Variants in PDCD11 observed in about 807,000 individuals in gnomAD.
PDCD11 encodes protein RRP5 homolog.
In PDCD11, 97 loss-of-function variants were observed where a neutral mutation model predicts 198.9. That is an observed-to-expected ratio of 0.49 (90% CI 0.41 to 0.58). PDCD11 has a LOEUF of 0.58. Among genes scored for constraint, PDCD11 ranks in the 20% least tolerant of loss-of-function variants. The pLI is 0.00. For synonymous variants in PDCD11, 893 were observed against 918.0 expected, an observed-to-expected ratio of 0.97 and a Z score of 0.49; for missense variants, 2,102 against 2,312.7, an observed-to-expected ratio of 0.91 and a Z score of 1.87.
chr10:103,434,669 C>T (rs2032075135), intron 24 of PDCD11, 129 bp from the exon 25 acceptor site: 4 of 697,290 alleles, frequency 5.7e-6, no homozygotes, highest in Non-Finnish European at 9.4e-6. Flanking sequence ...CTAGATGGTT[C>T]TGGATCACTC....
rs1003828592 is a variant in PDCD11 at position 103,416,999 on chromosome 10, G to T, written c.1770+257G>T. The stretch of plus-strand genomic sequence containing the variant: ...CAGTCTTTACTTGTAATAAACCTGT[G>T]CCTCTCATATCGGAAATTGTTTTGA... On this transcript the variant is annotated intron_variant, in intron 13 of 35. Transcript: ENST00000369797. 2.6e-5 allele frequency among the ~76,000 whole-genome samples: 4 copies of T among 152,300 alleles called. 1 individual carries two copies. The South Asian group carries it at 8.3e-4, about 32-fold the overall frequency.
intron 16 of PDCD11, among the ~76,000 whole-genome samples, chr10:103,421,025 G>A (rs936350347): frequency 2.0e-5 from 3 of 152,072 alleles, no homozygotes. Flanking sequence ...GCAGGTGCAT[G>A]CCACCACTCC....
At chr10:103,398,052 C>G (rs1199492439) in intron 1 of PDCD11, among the ~76,000 whole-genome samples, 1 of 152,164 alleles carries the variant, frequency 6.6e-6, no homozygotes, top group African/African-American at 2.4e-5. Flanking sequence ...TTTTAAGTTA[C>G]TTGCATAATT....
Position 103,413,270 on chromosome 10 carries a change from A to G in PDCD11, c.1133A>G (p.Lys378Arg). ...GATGTTCCTGTCCAGGGTTTTTTCA[A>G]AAAGGCTGGGGCCACCTTTAGGCTG... is the stretch of plus-strand genomic sequence containing the variant. ...LDDVPVQGFF[K>R]KAGATFRLKD... Residue 378 changes from lysine (K) to arginine (R), a missense_variant, in exon 9 of 36, where the codon AAA (lysine) becomes AGA (arginine). Transcript: ENST00000369797. 6.2e-7 allele frequency: 1 copy of G among 1,614,074 alleles called. No homozygotes were observed. Among genetic ancestry groups the G allele is most frequent in the South Asian group, 1.1e-5 (1 of 91,076 alleles).
intron 7 of PDCD11, among the ~76,000 whole-genome samples, chr10:103,407,345 C>T (rs934994333): frequency 6.6e-6 from 1 of 151,994 alleles, no homozygotes; most frequent in South Asian, 2.1e-4. Context: ...AGGCTGATCA[C>T]GAGGTCAGGA....
chr10:103,442,533 A>G (rs2133755220), intron 32 of PDCD11, 73 bp downstream of exon 32: 1 of 1,540,074 alleles, frequency 6.5e-7, no homozygotes. Flanking sequence ...CCTGTGGGGT[A>G]GCTCCTCCTA....
At position 103,409,749 on chromosome 10, in the gene PDCD11, G is replaced by A. The variant is rs1297862480; in HGVS notation, c.921G>A (p.Val307=). 1 of 1,614,088 alleles carries A rather than the reference G, an allele frequency of 6.2e-7. No homozygotes were observed. Among genetic ancestry groups the A allele is most frequent in the Admixed American group, 1.7e-5 (1 of 60,008 alleles). ...TLNFLTFFTG[V]VDFMHLDPKK... ...ACTTCCTCACATTCTTCACGGGCGTGGTTGACTTTATGCACCTGGATCCCA... is the reference window on the plus strand; with the variant it reads ...ACTTCCTCACATTCTTCACGGGCGTAGTTGACTTTATGCACCTGGATCCCA... Residue 307 remains valine (V), a synonymous_variant, in exon 8 of 36, where the codon GTG becomes GTA. Coordinates refer to ENST00000369797, the MANE Select transcript of PDCD11 (RefSeq NM_014976.2).
At chr10:103,397,634 A>T (rs375713499) in intron 1 of PDCD11, among the ~76,000 whole-genome samples, 2 of 152,224 alleles carry the variant, frequency 1.3e-5, no homozygotes, top group African/African-American at 4.8e-5. Flanking sequence ...GGGTTTCGCC[A>T]TGTTGACTAT....
At chr10:103,440,975 C>G in intron 30 of PDCD11, 125 bp downstream of exon 30, 1 of 660,244 alleles carries the variant, frequency 1.5e-6, no homozygotes, top group Non-Finnish European at 2.6e-6. Flanking sequence ...TCAGTTGCCT[C>G]CATTGACCGT....
At position 103,403,180 on chromosome 10, in the gene PDCD11, G is replaced by GCACA. The variant is rs2030219785; in HGVS notation, c.297_298insCACA (p.Ile100HisfsTer3). 6.2e-7 allele frequency: 1 copy of GCACA among 1,614,022 alleles called. No homozygotes were observed. Among genetic ancestry groups the GCACA allele is most frequent in the South Asian group, 1.1e-5 (1 of 91,092 alleles). On this transcript the variant is annotated frameshift_variant, in exon 4 of 36. Transcript: ENST00000369797. LOFTEE classifies it high-confidence loss of function. Reference sequence around the variant, plus strand: ...AAGAGGTGAATGAACTGGAACTGGTGATTAGTCTCCCCAATGGCCTCCAGG... The same window carrying GCACA: ...AAGAGGTGAATGAACTGGAACTGGTGCACAATTAGTCTCCCCAATGGCCTCCAGG...
chr10:103,415,510 C>A (rs2031056881), intron 12 of PDCD11, among the ~76,000 whole-genome samples: 1 of 152,206 alleles, frequency 6.6e-6, no homozygotes, highest in Non-Finnish European at 1.5e-5. Context: ...AACAGGTATT[C>A]CGTGCCAGTT....
chr10:103,401,812 T>C (rs1017801359), intron 3 of PDCD11, among the ~76,000 whole-genome samples: 1 of 150,626 alleles, frequency 6.6e-6, no homozygotes, highest in African/African-American at 2.4e-5. Flanking sequence ...ATCTCTGCTC[T>C]GCTCACTGCA....
intron 21 of PDCD11, among the ~76,000 whole-genome samples, chr10:103,428,046 C>G (rs1033211277): frequency 1.3e-5 from 2 of 152,188 alleles, no homozygotes; most frequent in Admixed American, 6.5e-5. Context: ...TGGCTCACGC[C>G]TGTAATCCCA....
intron 15 of PDCD11, 126 bp downstream of exon 15, chr10:103,418,760 T>A: frequency 1.3e-6 from 1 of 758,434 alleles, no homozygotes; most frequent in Non-Finnish European, 2.1e-6. Context: ...AAACCAGTGA[T>A]GAAGCCTGTG....
At chr10:103,405,843 G>A (rs557374581) in intron 5 of PDCD11, 142 bp from the exon 6 acceptor site, 12 of 830,632 alleles carry the variant, frequency 1.4e-5, no homozygotes, top group East Asian at 1.0e-4. Context: ...GCTGTCTAGT[G>A]GGATTGTGGC....
chr10:103,444,075 G>A lies in PDCD11; in HGVS notation c.5278+7G>A. 1 of 1,608,940 alleles carries A rather than the reference G, an allele frequency of 6.2e-7. No homozygotes were observed. The highest frequency in any genetic ancestry group is 1.1e-5 in the South Asian group (1 of 90,882). On this transcript the variant is annotated splice_region_variant and intron_variant, in intron 34 of 35. Transcript: ENST00000369797. ...TGCCTGCCTAGCAAGGAGCGTGAGT[G>A]CTCATTCCCAGCTCCTGAGCCCATG...
chr10:103,423,116 G>A lies in PDCD11; in HGVS notation c.2626G>A (p.Ala876Thr), dbSNP rs1257531860. 3.8e-6 allele frequency: 6 copies of A among 1,589,336 alleles called. No homozygotes were observed. In the Admixed American group the frequency reaches 9.0e-5, roughly 24 times the overall value. Residue 876 changes from alanine (A) to threonine (T), a missense_variant, in exon 18 of 36, where the codon GCC becomes ACC. Coordinates refer to ENST00000369797, the MANE Select transcript of PDCD11 (RefSeq NM_014976.2). Reference protein sequence around the residue: ...GGPVPDLVLKASRYHRAGQEV... With the variant: ...GGPVPDLVLKTSRYHRAGQEV... ...TCCAGTGCCCGACCTGGTCCTGAAAGCCAGCAGATACCATCGCGCAGGTGA... is the reference window on the plus strand; with the variant it reads ...TCCAGTGCCCGACCTGGTCCTGAAAACCAGCAGATACCATCGCGCAGGTGA...
At position 103,444,010 on chromosome 10, in the gene PDCD11, G is replaced by T. The variant is rs1206966284; in HGVS notation, c.5220G>T (p.Gln1740His). 6.2e-7 allele frequency: 1 copy of T among 1,613,178 alleles called. No individual in the cohort carries two copies. Among genetic ancestry groups the T allele is most frequent in the Non-Finnish European group, 8.5e-7 (1 of 1,180,042 alleles). ...KYGAFLLRRSQAAASHRVLQR... is the reference protein window; with the variant it reads ...KYGAFLLRRSHAAASHRVLQR... The stretch of plus-strand genomic sequence containing the variant: ...GCGCCTTCCTTCTGCGGAGGAGCCA[G>T]GCTGCAGCCAGTCACCGCGTGCTGC... Residue 1740 changes from glutamine to histidine, a missense_variant, in exon 34 of 36, where the codon CAG becomes CAT. Transcript: ENST00000369797.
intron 16 of PDCD11, among the ~76,000 whole-genome samples, chr10:103,421,042 AT>A (rs1564766697): frequency 6.6e-6 from 1 of 151,798 alleles, no homozygotes; most frequent in Non-Finnish European, 1.5e-5. Flanking sequence ...CTCCTGGCTA[AT>A]TTTTGTATTT....
Sources: allele counts gnomAD v4.1 joint callset (sites outside exome capture counted in the v4.1 genomes callset), GRCh38; gene constraint gnomAD v4.1.1; transcripts MANE v1.5; gene names NCBI Gene and HGNC (gene_info 2026-07-23, HGNC 2026-07-21).